Variants in ZFHX4 observed in about 807,000 individuals in gnomAD.
ZFHX4 encodes zinc finger homeobox protein 4.
A neutral mutation model predicts 267.6 loss-of-function variants in ZFHX4; 56 were observed. The observed-to-expected ratio is 0.21, with a 90% CI of 0.17 to 0.26. The LOEUF (loss-of-function observed/expected upper bound fraction) is 0.26, where lower values mean the gene tolerates loss of function less well. Among genes scored for constraint, ZFHX4 ranks in the 10% least tolerant of loss-of-function variants. ZFHX4 has a pLI of 1.00. For missense variants in ZFHX4, 4,332 were observed against 4,420.0 expected (o/e 0.98, Z 0.56); for synonymous variants, 1,778 against 1,665.6 (o/e 1.07, Z -1.64).
At chr8:76,747,975 T>A (rs980066089) in intron 3 of ZFHX4, among the ~76,000 whole-genome samples, 1 of 151,958 alleles carries the variant, frequency 6.6e-6, no homozygotes, top group South Asian at 2.1e-4. Flanking sequence ...CAAAAATGAA[T>A]AAAAATCCCT....
intron 4 of ZFHX4, among the ~76,000 whole-genome samples, chr8:76,810,886 A>G (rs1811359840): frequency 6.6e-6 from 1 of 152,158 alleles, no homozygotes; most frequent in African/African-American, 2.4e-5. Context: ...GTCTCTATAA[A>G]AATGTTTCCT....
intron 3 of ZFHX4, among the ~76,000 whole-genome samples, chr8:76,770,146 GT>G (rs1563512010): frequency 6.6e-6 from 1 of 152,116 alleles, no homozygotes; most frequent in Non-Finnish European, 1.5e-5. Flanking sequence ...AAATATCATT[GT>G]TATAACACAA....
intron 5 of ZFHX4, among the ~76,000 whole-genome samples, chr8:76,834,661 T>C (rs907533161): frequency 6.6e-6 from 1 of 152,128 alleles, no homozygotes; most frequent in East Asian, 1.9e-4. Context: ...TTATCAGATA[T>C]GTATTTTCCA....
At chr8:76,709,383 T>C (rs1246173437) in intron 3 of ZFHX4, among the ~76,000 whole-genome samples, 1 of 152,212 alleles carries the variant, frequency 6.6e-6, no homozygotes, top group Non-Finnish European at 1.5e-5. Flanking sequence ...GGAAAGCTTC[T>C]AAGTTGACAG....
chr8:76,851,178 T>G lies in ZFHX4; in HGVS notation c.4257T>G (p.His1419Gln). The change falls in exon 10 of 11, where the codon CAT becomes CAG. Residue 1419 changes from histidine to glutamine, a missense_variant. Physicochemically the swap from His to Gln is conservative, Grantham distance 24 (BLOSUM62 0). Around this residue, in one of 7 missense-constraint regions of ZFHX4, gnomAD observed 1,371 missense variants for 1,423.1 expected, o/e 0.96. Transcript: ENST00000651372. ...AGCTTCAGATACATTCCCAGTATCA[T>G]GCAATTCGGGCTGCGACAATGTGTA... The part of the protein sequence containing the change: ...MQKLQIHSQY[H>Q]AIRAATMCNL... The G allele has an allele frequency of 1.2e-6, 2 of 1,613,958 alleles. No individual in the cohort carries two copies. The highest frequency in any genetic ancestry group is 1.7e-6 in the Non-Finnish European group (2 of 1,179,882).
intron 3 of ZFHX4, among the ~76,000 whole-genome samples, chr8:76,734,693 A>G (rs565929427): frequency 6.6e-4 from 101 of 152,268 alleles, no homozygotes; most frequent in African/African-American, 2.3e-3. Flanking sequence ...TCTACATAAA[A>G]TAAAGATTTG....
chr8:76,816,731 G>C (rs370803744), intron 4 of ZFHX4, among the ~76,000 whole-genome samples: 1 of 151,822 alleles, frequency 6.6e-6, no homozygotes, highest in African/African-American at 2.4e-5. Context: ...GAGTAGTTGG[G>C]ATTACAGGCG....
chr8:76,685,490 T>A (rs1409433493), intron 1 of ZFHX4, among the ~76,000 whole-genome samples: 1 of 152,150 alleles, frequency 6.6e-6, no homozygotes, highest in East Asian at 1.9e-4. Flanking sequence ...AGACCCAGGC[T>A]CAATAGTGTA....
chr8:76,769,094 T>G (rs928598596), intron 3 of ZFHX4, among the ~76,000 whole-genome samples: 1 of 151,912 alleles, frequency 6.6e-6, no homozygotes, highest in Non-Finnish European at 1.5e-5. Flanking sequence ...TAAGACCCTG[T>G]CTCAATAAAA....
intron 1 of ZFHX4, among the ~76,000 whole-genome samples, chr8:76,699,268 G>A (rs1808038942): frequency 6.6e-6 from 1 of 152,098 alleles, no homozygotes; most frequent in Admixed American, 6.6e-5. Flanking sequence ...TTGATTTAGT[G>A]TCTATTGGAA....
intron 4 of ZFHX4, among the ~76,000 whole-genome samples, chr8:76,781,080 T>C (rs958531945): frequency 6.6e-6 from 1 of 152,092 alleles, no homozygotes; most frequent in Non-Finnish European, 1.5e-5. Context: ...GTAAGTTGTG[T>C]GGTTGAGTTT....
chr8:76,742,242 A>G (rs1809337168), intron 3 of ZFHX4, among the ~76,000 whole-genome samples: 1 of 152,178 alleles, frequency 6.6e-6, no homozygotes, highest in Admixed American at 6.5e-5. Flanking sequence ...CACCCTTAGA[A>G]TTATGCTTTG....
chr8:76,752,843 A>G (rs1279708151), intron 3 of ZFHX4, among the ~76,000 whole-genome samples: 1 of 152,210 alleles, frequency 6.6e-6, no homozygotes, highest in Non-Finnish European at 1.5e-5. Context: ...GTGTAATCCA[A>G]GAAAGTGAAT....
At chr8:76,682,945 A>T (rs1346670337) in intron 1 of ZFHX4, 1 of 152,278 alleles carries the variant, frequency 6.6e-6, no homozygotes, top group African/African-American at 2.4e-5. Context: ...AAAATCTCTC[A>T]TGGAATTGTA....
In ZFHX4 at chr8:76,854,192, G is replaced by A; in HGVS notation, c.7271G>A (p.Gly2424Asp). Reference protein sequence around the residue: ...KQSDPSPPSQGTKPALPLAST... With the variant: ...KQSDPSPPSQDTKPALPLAST... Reference sequence around the variant, plus strand: ...AGTGACCCCTCTCCCCCTTCTCAAGGCACCAAACCAGCCCTGCCATTAGCA... The same window carrying A: ...AGTGACCCCTCTCCCCCTTCTCAAGACACCAAACCAGCCCTGCCATTAGCA... Residue 2424 changes from glycine (G) to aspartate (D), a missense_variant, in exon 10 of 11, where the codon GGC (glycine) becomes GAC (aspartate). Coordinates refer to ENST00000651372, the MANE Select transcript of ZFHX4 (RefSeq NM_024721.5). The A allele has an allele frequency of 6.4e-7, 1 of 1,570,474 alleles. No individual in the cohort carries two copies. The highest frequency in any genetic ancestry group is 8.6e-7 in the Non-Finnish European group (1 of 1,158,030).
chr8:76,736,128 C>A (rs1183593373), intron 3 of ZFHX4, among the ~76,000 whole-genome samples: 2 of 150,736 alleles, frequency 1.3e-5, no homozygotes, highest in African/African-American at 4.9e-5. Context: ...AATGTTTATC[C>A]TTTAGGGCTT....
At chr8:76,822,246 C>A (rs922033134) in intron 4 of ZFHX4, among the ~76,000 whole-genome samples, 1 of 152,082 alleles carries the variant, frequency 6.6e-6, no homozygotes, top group African/African-American at 2.4e-5. Flanking sequence ...CCTCATTAGA[C>A]CCATTGGCAA....
intron 4 of ZFHX4, chr8:76,782,176 A>G (rs1433524785): frequency 2.3e-6 from 1 of 430,724 alleles, no homozygotes; most frequent in Non-Finnish European, 4.6e-6. Flanking sequence ...AGCGCTTGTA[A>G]TTTCCTCTGT....
chr8:76,723,215 A>G (rs907532351), intron 3 of ZFHX4, among the ~76,000 whole-genome samples: 1 of 152,034 alleles, frequency 6.6e-6, no homozygotes, highest in African/African-American at 2.4e-5. Context: ...AAGTTTCTGT[A>G]TCTGGCATTA....
Sources: gnomAD v4.1 joint callset for allele counts (sites outside exome capture counted in the v4.1 genomes callset) on GRCh38, gnomAD v4.1.1 for gene constraint, gnomAD v4.1.1 regional missense constraint, MANE v1.5 for transcripts, NCBI Gene and HGNC (gene_info 2026-07-23, HGNC 2026-07-21) for gene names.